The following TEX9 variants were observed in gnomAD, a reference collection of about 807,000 sequenced individuals.
TEX9 encodes testis-expressed protein 9.
A neutral mutation model predicts 59.6 loss-of-function variants in TEX9; 74 were observed. That is an observed-to-expected ratio of 1.24 (90% CI 1.03 to 1.51). TEX9 has a LOEUF of 1.51. Among genes scored for constraint, TEX9 ranks in the 40% most tolerant of loss-of-function variants. TEX9 has a pLI of 0.00. For missense variants in TEX9, 522 were observed against 447.8 expected (o/e 1.17, Z -1.49); for synonymous variants, 186 against 152.2 (o/e 1.22, Z -1.64).
chr15:56,434,120 C>T, intron 12 of TEX9: 5 of 1,603,628 alleles, frequency 3.1e-6, no homozygotes, highest in Non-Finnish European at 4.3e-6. Flanking sequence ...CCAAAAAAAC[C>T]CCACAACTTT....
In TEX9 at chr15:56,365,673, A is replaced by T; in HGVS notation, c.119+3A>T. 6.2e-7 allele frequency: 1 copy of T among 1,613,894 alleles called. No individual in the cohort carries two copies. The highest frequency in any genetic ancestry group is 8.5e-7 in the Non-Finnish European group (1 of 1,179,938). On this transcript the variant is annotated splice_donor_region_variant and intron_variant, in intron 2 of 12. Transcript: ENST00000352903. ...CTCGCCTTGGAGGAAGAATATAAGT[A>T]AGAAATTCGGCGGTTGAACTTTTCC... is the stretch of plus-strand genomic sequence containing the variant.
chr15:56,424,823 C>T (rs891578880), intron 10 of TEX9, among the ~76,000 whole-genome samples: 1 of 152,050 alleles, frequency 6.6e-6, no homozygotes, highest in Admixed American at 6.6e-5. Context: ...TTATATTTGT[C>T]CAAATATTTA....
At chr15:56,247,953 T>G (rs867601004) in intron 1 of TEX9, among the ~76,000 whole-genome samples, 1 of 152,230 alleles carries the variant, frequency 6.6e-6, no homozygotes, top group Non-Finnish European at 1.5e-5. Context: ...CTACATGTTA[T>G]TTAAGAGAAC....
At chr15:56,444,519 T>A (rs1449729006) in intron 12 of TEX9, 1 of 1,612,288 alleles carries the variant, frequency 6.2e-7, no homozygotes, top group Non-Finnish European at 8.5e-7. Flanking sequence ...CTCATAAGCT[T>A]CCTGCTTTTT....
At chr15:56,426,492 T>C (rs1324633065) in intron 10 of TEX9, among the ~76,000 whole-genome samples, 1 of 149,734 alleles carries the variant, frequency 6.7e-6, no homozygotes, top group South Asian at 2.1e-4. Flanking sequence ...AGTCTTTTAA[T>C]GGGGAAGCAA....
intron 1 of TEX9, among the ~76,000 whole-genome samples, chr15:56,356,584 C>A (rs780658758): frequency 1.3e-4 from 19 of 151,960 alleles, no homozygotes; most frequent in Non-Finnish European, 2.1e-4. Context: ...TTTATTTCAC[C>A]CTCATCTTGC....
chr15:56,379,641 G>A (rs1400030567), intron 3 of TEX9, among the ~76,000 whole-genome samples: 1 of 152,186 alleles, frequency 6.6e-6, no homozygotes, highest in Middle Eastern at 3.2e-3. Context: ...AGTGGGTGCT[G>A]AAGTCTCCAG....
intron 1 of TEX9, among the ~76,000 whole-genome samples, chr15:56,291,506 G>C (rs1345757930): frequency 6.6e-6 from 1 of 152,108 alleles, no homozygotes; most frequent in Non-Finnish European, 1.5e-5. Flanking sequence ...TTATGGAATG[G>C]TTGAATCAAC....
At chr15:56,273,110 C>T (rs1388410168) in intron 1 of TEX9, among the ~76,000 whole-genome samples, 1 of 151,904 alleles carries the variant, frequency 6.6e-6, no homozygotes. Flanking sequence ...TGTGCCACCA[C>T]ACCCGGCTAA....
intron 1 of TEX9, among the ~76,000 whole-genome samples, chr15:56,304,808 A>C (rs1485720079): frequency 2.6e-5 from 4 of 152,026 alleles, no homozygotes; most frequent in Non-Finnish European, 5.9e-5. Context: ...CTGCATCCTC[A>C]TACTCCTGGG....
intron 10 of TEX9, among the ~76,000 whole-genome samples, chr15:56,424,698 C>A (rs2050157337): frequency 6.6e-6 from 1 of 152,048 alleles, no homozygotes; most frequent in South Asian, 2.1e-4. Context: ...AGGTTATGTA[C>A]CCATTAACAA....
chr15:56,371,476 A>G (rs559707732), intron 2 of TEX9, among the ~76,000 whole-genome samples: 1 of 151,722 alleles, frequency 6.6e-6, no homozygotes, highest in South Asian at 2.1e-4. Context: ...TTTTTTCCAA[A>G]TTAATGCTAA....
At chr15:56,379,352 A>T (rs1052663585) in intron 3 of TEX9, among the ~76,000 whole-genome samples, 6 of 152,132 alleles carry the variant, frequency 3.9e-5, no homozygotes, top group African/African-American at 1.4e-4. Context: ...ATGTCTTTGT[A>T]TAGTTTCCAA....
At chr15:56,331,698 A>G (rs1442021136) in intron 1 of TEX9, among the ~76,000 whole-genome samples, 2 of 152,208 alleles carry the variant, frequency 1.3e-5, no homozygotes, top group Non-Finnish European at 2.9e-5. Context: ...TACATAAAAA[A>G]AAATTTTTAA....
intron 9 of TEX9, among the ~76,000 whole-genome samples, chr15:56,399,165 C>A (rs577731369): frequency 1.3e-5 from 2 of 152,296 alleles, no homozygotes; most frequent in African/African-American, 4.8e-5. Context: ...TGTCGCCTTA[C>A]CCGGGAAGTG....
intron 1 of TEX9, among the ~76,000 whole-genome samples, chr15:56,342,867 C>A (rs777063495): frequency 2.0e-5 from 3 of 152,116 alleles, no homozygotes; most frequent in Admixed American, 6.5e-5. Context: ...GGGGTAAACT[C>A]CCATGTTACC....
intron 12 of TEX9, chr15:56,444,524 C>CTTTTTTTTT (rs549395315): frequency 6.6e-7 from 1 of 1,511,602 alleles, no homozygotes; most frequent in Non-Finnish European, 9.0e-7. Context: ...AAGCTTCCTG[C>CTTTTTTTTT]TTTTTTTTTT....
intron 1 of TEX9, among the ~76,000 whole-genome samples, chr15:56,322,491 A>G (rs1033438105): frequency 6.6e-6 from 1 of 152,164 alleles, no homozygotes; most frequent in Non-Finnish European, 1.5e-5. Context: ...CTACTGCCCA[A>G]CCAGAATCCT....
rs1017529930 is a variant in TEX9, at chr15:56,394,151, A to C, written c.572-14A>C. 33 of 1,600,022 alleles carry C rather than the reference A, an allele frequency of 2.1e-5. No homozygotes were observed. Among genetic ancestry groups the C allele is most frequent in the Non-Finnish European group, 2.7e-5 (32 of 1,172,708 alleles). ...TCAGCAAAAGACAGTAAATATAATT[A>C]TTTAAATTCACAGAAGCACAGATCA... On this transcript the variant is annotated splice_polypyrimidine_tract_variant and intron_variant, in intron 7 of 12. Coordinates refer to ENST00000352903, the Ensembl canonical transcript of TEX9.
Sources: allele counts gnomAD v4.1 joint callset (sites outside exome capture counted in the v4.1 genomes callset), GRCh38; gene constraint gnomAD v4.1.1; transcripts MANE v1.5; gene names NCBI Gene and HGNC (gene_info 2026-07-23, HGNC 2026-07-21).